Variants in CTIF observed in about 807,000 individuals in gnomAD.
CTIF encodes cap binding complex dependent translation initiation factor.
CTIF carries 21 observed loss-of-function variants against 66.0 expected under a neutral mutation model. The observed-to-expected ratio is 0.32, with a 90% CI of 0.23 to 0.46. CTIF has a LOEUF of 0.46. CTIF is among the 20% of genes least tolerant of loss of function. The probability of loss-of-function intolerance (pLI) is 1.00; values close to 1 mark genes in which losing one functional copy is unlikely to be tolerated. For synonymous variants in CTIF, 345 were observed against 326.4 expected (o/e 1.06, Z -0.62); for missense variants, 739 against 812.7 (o/e 0.91, Z 1.10).
intron 2 of CTIF, among the ~76,000 whole-genome samples, chr18:48,634,469 G>A (rs2090776499): frequency 6.6e-6 from 1 of 152,134 alleles, no homozygotes; most frequent in Admixed American, 6.5e-5. Context: ...CCAGAAAATG[G>A]CAACCTCAGG....
rs564874707 is a variant in CTIF, at chr18:48,606,312, C to G, written c.-28-13226C>G. On this transcript the variant is annotated intron_variant, in intron 1 of 11. Transcript: ENST00000256413. ...AGTGGGAATCTGAGATATTGCTAGT[C>G]CAGGGCAAATGCTCAGGATTGGAGT... Among the ~76,000 whole-genome samples the G allele has an allele frequency of 2.6e-5, 4 of 152,326 alleles. No homozygotes were observed. The East Asian group carries it at 7.7e-4, about 29-fold the overall frequency.
chr18:48,772,279 T>TTTTTC (rs927926038), intron 9 of CTIF, among the ~76,000 whole-genome samples: 4 of 152,092 alleles, frequency 2.6e-5, no homozygotes, highest in Non-Finnish European at 2.9e-5. Context: ...TTTGTTACTG[T>TTTTTC]TTTTCTTTTC....
chr18:48,678,286 A>AT (rs1157012384), intron 6 of CTIF, among the ~76,000 whole-genome samples: 1 of 152,102 alleles, frequency 6.6e-6, no homozygotes, highest in African/African-American at 2.4e-5. Context: ...AAAGAGAAAT[A>AT]TTTTTTTCTT....
At chr18:48,803,439 T>C (rs1208577789) in intron 9 of CTIF, among the ~76,000 whole-genome samples, 1 of 152,230 alleles carries the variant, frequency 6.6e-6, no homozygotes, top group Admixed American at 6.5e-5. Flanking sequence ...TATCACTCTC[T>C]CTTCATTCTT....
At chr18:48,752,789 G>A (rs73956022) in intron 7 of CTIF, among the ~76,000 whole-genome samples, 3,266 of 152,310 alleles carry the variant, frequency 0.021, 97 homozygotes, top group African/African-American at 0.064. Context: ...AGCCCTGCGC[G>A]CACCATGGGT....
intron 7 of CTIF, among the ~76,000 whole-genome samples, chr18:48,744,813 TTTC>T (rs757059680): frequency 1.2e-4 from 18 of 151,778 alleles, no homozygotes; most frequent in East Asian, 3.9e-4. Context: ...GGGGCAGTTC[TTTC>T]TTCTTCTTTT....
chr18:48,840,498 G>C (rs1012987460), intron 10 of CTIF, among the ~76,000 whole-genome samples: 2 of 152,282 alleles, frequency 1.3e-5, no homozygotes, highest in South Asian at 2.1e-4. Context: ...CTAAGGGTAA[G>C]GCTCTAAAGC....
intron 9 of CTIF, among the ~76,000 whole-genome samples, chr18:48,804,677 A>G (rs189355561): frequency 3.7e-4 from 56 of 152,300 alleles, no homozygotes; most frequent in Middle Eastern, 3.4e-3. Flanking sequence ...GCCTGACCCA[A>G]TCAGACTGAT....
chr18:48,768,088 T>C (rs1909746627), intron 9 of CTIF, among the ~76,000 whole-genome samples: 1 of 152,136 alleles, frequency 6.6e-6, no homozygotes, highest in Non-Finnish European at 1.5e-5. Flanking sequence ...GGAAGAAAAC[T>C]GGGCCATTCC....
intron 7 of CTIF, among the ~76,000 whole-genome samples, chr18:48,731,487 C>T (rs2092456537): frequency 6.6e-6 from 1 of 152,194 alleles, no homozygotes; most frequent in African/African-American, 2.4e-5. Context: ...CTCCGTTAAC[C>T]CTCTCATTCC....
At chr18:48,614,044 C>T (rs977983102) in intron 1 of CTIF, among the ~76,000 whole-genome samples, 1 of 152,188 alleles carries the variant, frequency 6.6e-6, no homozygotes, top group Non-Finnish European at 1.5e-5. Context: ...TGTTCTTCTA[C>T]CTTCCCTCTT....
intron 3 of CTIF, among the ~76,000 whole-genome samples, chr18:48,640,844 T>C (rs988566725): frequency 1.3e-5 from 2 of 152,232 alleles, no homozygotes; most frequent in Non-Finnish European, 2.9e-5. Context: ...TTAGCTAATG[T>C]CAAAAAGAAA....
chr18:48,838,229 C>T (rs928053647), intron 10 of CTIF, among the ~76,000 whole-genome samples: 3 of 152,204 alleles, frequency 2.0e-5, no homozygotes, highest in Non-Finnish European at 2.9e-5. Flanking sequence ...CCCAACACCC[C>T]GGCACATCAA....
intron 1 of CTIF, among the ~76,000 whole-genome samples, chr18:48,554,966 C>A (rs1568029162): frequency 6.6e-6 from 1 of 150,402 alleles, no homozygotes; most frequent in Non-Finnish European, 1.5e-5. Flanking sequence ...TCCCATTCTC[C>A]TTCCAGGGTG....
intron 1 of CTIF, among the ~76,000 whole-genome samples, chr18:48,609,162 T>C (rs898331261): frequency 1.3e-5 from 2 of 152,042 alleles, no homozygotes; most frequent in African/African-American, 2.4e-5. Context: ...AACCCAGGGA[T>C]TGGAATACAG....
chr18:48,706,853 A>G (rs2092162243), intron 6 of CTIF, among the ~76,000 whole-genome samples: 3 of 152,204 alleles, frequency 2.0e-5, no homozygotes, highest in Admixed American at 2.0e-4. Context: ...CCATCCCTGG[A>G]GAGGCTTGGT....
At chr18:48,544,164 C>T (rs895757062) in intron 1 of CTIF, among the ~76,000 whole-genome samples, 1 of 152,228 alleles carries the variant, frequency 6.6e-6, no homozygotes, top group African/African-American at 2.4e-5. Flanking sequence ...GGGAGAAGGA[C>T]AGAAAGGTTG....
At chr18:48,602,896 G>C (rs2090119993) in intron 1 of CTIF, among the ~76,000 whole-genome samples, 1 of 143,426 alleles carries the variant, frequency 7.0e-6, no homozygotes, top group Admixed American at 6.8e-5. Flanking sequence ...GATAAGAATG[G>C]GTGGATGGAT....
chr18:48,827,580 GA>G (rs2068607608), intron 10 of CTIF, among the ~76,000 whole-genome samples: 1 of 152,210 alleles, frequency 6.6e-6, no homozygotes, highest in Admixed American at 6.5e-5. Flanking sequence ...AATGCAGCTT[GA>G]AAAATCAGGA....
Sources: allele counts gnomAD v4.1 joint callset (sites outside exome capture counted in the v4.1 genomes callset), GRCh38; gene constraint gnomAD v4.1.1; transcripts MANE v1.5; gene names NCBI Gene and HGNC (gene_info 2026-07-23, HGNC 2026-07-21).